FAM234A: variants seen among roughly 807,000 people sequenced by gnomAD.
The protein encoded by FAM234A is protein FAM234A.
In FAM234A, 42 loss-of-function variants were observed where a neutral mutation model predicts 49.1. That is an observed-to-expected ratio of 0.86 (90% CI 0.67 to 1.11). The LOEUF is 1.11. Among genes scored for constraint, FAM234A ranks in the 50% least tolerant of loss-of-function variants. The probability of loss-of-function intolerance (pLI) is 0.00; values close to 1 mark genes in which losing one functional copy is unlikely to be tolerated. For synonymous variants in FAM234A, 369 were observed against 316.2 expected, an observed-to-expected ratio of 1.17 and a Z score of -1.77; for missense variants, 815 against 745.2, an observed-to-expected ratio of 1.09 and a Z score of -1.09.
intron 5 of FAM234A, 94 bp from the exon 6 acceptor site, chr16:261,290 C>G: frequency 1.4e-6 from 2 of 1,469,756 alleles, no homozygotes; most frequent in East Asian, 4.6e-5. Flanking sequence ...GGTGATGCCT[C>G]AACAGGAGCC....
At chr16:244,203 T>C (rs112101823) in intron 1 of FAM234A, among the ~76,000 whole-genome samples, 1,737 of 152,152 alleles carry the variant, frequency 0.011, 29 homozygotes, top group African/African-American at 0.036. Context: ...CTCCTGACCT[T>C]GTGATCCACC....
chr16:237,893 G>C (rs779843432), intron 1 of FAM234A, among the ~76,000 whole-genome samples: 2 of 151,744 alleles, frequency 1.3e-5, no homozygotes, highest in African/African-American at 4.8e-5. Context: ...TAGTAAAGAC[G>C]GGGTTTCACC....
chr16:259,432 C>A (rs752387666), intron 3 of FAM234A, 51 bp from the exon 4 acceptor site: 1 of 1,089,742 alleles, frequency 9.2e-7, no homozygotes, highest in Admixed American at 1.8e-5. Context: ...CTGATCGTTC[C>A]TGGAAACCAG....
At position 264,128 on chromosome 16, in the gene FAM234A, T is replaced by C. The variant is rs779736114; in HGVS notation, c.1301T>C (p.Phe434Ser). The C allele has an allele frequency of 3.7e-6, 6 of 1,609,574 alleles. No individual in the cohort carries two copies. Among genetic ancestry groups the C allele is most frequent in the African/African-American group, 2.7e-5 (2 of 74,906 alleles). The change falls in exon 11 of 13, where the codon TTC becomes TCC. Residue 434 changes from phenylalanine (F) to serine (S), a missense_variant. Physicochemically the swap from Phe to Ser is radical, Grantham distance 155 (BLOSUM62 -2). Coordinates refer to ENST00000399932, the MANE Select transcript of FAM234A (RefSeq NM_032039.4). ...CCGACCGCAGACCACCGCTCAGCCT[T>C]CTTCTTCTGGGGCCTCCACGAGCTG... ...SLPTADHRSA[F>S]FFWGLHELGS...
chr16:244,394 A>G (rs2050730879), intron 1 of FAM234A, among the ~76,000 whole-genome samples: 1 of 152,158 alleles, frequency 6.6e-6, no homozygotes, highest in African/African-American at 2.4e-5. Context: ...TCCACTATTG[A>G]TATTCTTCCA....
At chr16:258,728 T>A (rs1465176295) in intron 3 of FAM234A, among the ~76,000 whole-genome samples, 2 of 152,014 alleles carry the variant, frequency 1.3e-5, no homozygotes, top group East Asian at 3.9e-4. Flanking sequence ...CCAGTAGGGG[T>A]GGCCGGGCAG....
intron 11 of FAM234A, 102 bp downstream of exon 11, chr16:264,273 A>C: frequency 8.1e-7 from 1 of 1,229,756 alleles, no homozygotes; most frequent in East Asian, 2.6e-5. Context: ...GTGCCTGGGC[A>C]ACCTCACATA....
rs540801393 is a variant in FAM234A at position 265,528 on chromosome 16, A to G, written c.*506A>G. 9.1e-6 allele frequency: 9 copies of G among 986,358 alleles called. No individual in the cohort carries two copies. The African/African-American group carries it at 1.4e-4, about 15-fold the overall frequency. 61.1% of individuals were successfully genotyped at this position (986,358 alleles called of 1,614,324 possible). A position where few individuals can be genotyped will look rare whatever the true frequency, so the allele number is the denominator to read the frequency against. ...CCCAAGGAGTCATGGAACTCAGGGT[A>G]CTGGGCCTCAACGGGAACCTGAGAC... On this transcript the variant is annotated 3_prime_UTR_variant, in exon 13 of 13. Transcript: ENST00000399932.
intron 1 of FAM234A, among the ~76,000 whole-genome samples, chr16:238,016 T>G (rs1269774801): frequency 9.4e-5 from 1 of 10,672 alleles, no homozygotes; most frequent in Non-Finnish European, 1.8e-4. Context: ...TGTTATTTAT[T>G]TTTATTTATT....
chr16:265,470 G>C lies in FAM234A; in HGVS notation c.*448G>C. ...CCGTCCCCCACCCCATCCTGTAGAA[G>C]TCCATTCCCCTTTTCCCTCCTGTGC... is the stretch of plus-strand genomic sequence containing the variant. On this transcript the variant is annotated 3_prime_UTR_variant, in exon 13 of 13. Coordinates refer to ENST00000399932, the MANE Select transcript of FAM234A (RefSeq NM_032039.4). 1 of 995,802 alleles carries C rather than the reference G, an allele frequency of 1.0e-6. No individual in the cohort carries two copies. Among genetic ancestry groups the C allele is most frequent in the Non-Finnish European group, 1.2e-6 (1 of 836,910 alleles). 61.7% of individuals were successfully genotyped at this position (995,802 alleles called of 1,614,324 possible).
At chr16:256,256 T>C (rs961825251) in intron 3 of FAM234A, among the ~76,000 whole-genome samples, 2 of 152,212 alleles carry the variant, frequency 1.3e-5, no homozygotes, top group Non-Finnish European at 2.9e-5. Flanking sequence ...GGTAAGTTTA[T>C]GTTTAACTTT....
At chr16:269,752 G>T, downstream of FAM234A, 1 of 589,652 alleles carries the variant, frequency 1.7e-6, no homozygotes, top group South Asian at 2.2e-5. Context: ...CAAGGCAGAC[G>T]CAGGGAGACC....
chr16:241,493 G>A (rs547205633), intron 1 of FAM234A, among the ~76,000 whole-genome samples: 8 of 152,056 alleles, frequency 5.3e-5, no homozygotes, highest in Non-Finnish European at 1.2e-4. Flanking sequence ...GGAGCCTGAG[G>A]CGGGAGGATC....
intron 5 of FAM234A, 44 bp from the exon 6 acceptor site, chr16:261,340 A>AGGGGGG (rs754944213): frequency 2.6e-5 from 41 of 1,587,720 alleles, no homozygotes; most frequent in Admixed American, 3.4e-5. Context: ...CTGCTGTTGA[A>AGGGGGG]GGGGACTCAG....
At position 259,092 on chromosome 16, in the gene FAM234A, T is replaced by G. The variant is rs185034291; in HGVS notation, c.269-391T>G. Among the ~76,000 whole-genome samples the G allele has an allele frequency of 3.1e-3, 478 of 152,244 alleles. 3 individuals carry two copies. The highest frequency in any genetic ancestry group is 0.011 in the African/African-American group (441 of 41,550). On this transcript the variant is annotated intron_variant, in intron 3 of 12. Transcript: ENST00000399932. ...CACCTTGCCCGGCCAACTTCACTCT[T>G]TTGGTGTTTGATTTTAGGGCATAAA... is the stretch of plus-strand genomic sequence containing the variant.
intron 1 of FAM234A, among the ~76,000 whole-genome samples, chr16:249,265 T>C (rs1369983021): frequency 6.6e-6 from 1 of 151,664 alleles, no homozygotes; most frequent in Non-Finnish European, 1.5e-5. Context: ...GTAGTTAGAG[T>C]GGGATGAACC....
At chr16:256,304 C>A (rs1273636023) in intron 3 of FAM234A, among the ~76,000 whole-genome samples, 1 of 152,082 alleles carries the variant, frequency 6.6e-6, no homozygotes, top group Non-Finnish European at 1.5e-5. Context: ...AGCGACTGCA[C>A]CATTTGACTA....
Position 251,582 on chromosome 16 carries a change from T to C in FAM234A, c.-34+1928T>C, listed in dbSNP as rs548867379. ...TAGTAGAGACAGAGTCTCGCCACAT[T>C]GCCCAGGCTGTTCTCAAACTCCTGA... is the stretch of plus-strand genomic sequence containing the variant. On this transcript the variant is annotated intron_variant, in intron 2 of 12. Transcript: ENST00000399932. 1.5e-4 allele frequency among the ~76,000 whole-genome samples: 23 copies of C among 151,612 alleles called. No individual in the cohort carries two copies. The South Asian group carries it at 3.8e-3, about 25-fold the overall frequency.
intron 1 of FAM234A, among the ~76,000 whole-genome samples, chr16:246,032 G>A (rs961090210): frequency 7.9e-5 from 12 of 151,618 alleles, no homozygotes; most frequent in African/African-American, 2.2e-4. Context: ...TGGTGAAACC[G>A]TCTCTACTAA....
Sources: allele counts gnomAD v4.1 joint callset (sites outside exome capture counted in the v4.1 genomes callset), GRCh38; gene constraint gnomAD v4.1.1; transcripts MANE v1.5; gene names NCBI Gene and HGNC (gene_info 2026-07-23, HGNC 2026-07-21).